Variants in SRC observed in about 807,000 individuals in gnomAD.
SRC encodes the protein SRC proto-oncogene, non-receptor tyrosine kinase.
A neutral mutation model predicts 62.9 loss-of-function variants in SRC; 13 were observed. The observed-to-expected ratio is 0.21, with a 90% confidence interval of 0.13 to 0.33. The LOEUF is 0.33. Among genes scored for constraint, SRC ranks in the 10% least tolerant of loss-of-function variants. The pLI is 1.00. For synonymous variants in SRC, 302 were observed against 317.5 expected (o/e 0.95, Z 0.52); for missense variants, 457 against 737.3 (o/e 0.62, Z 4.40).
Position 37,402,670 on chromosome 20 carries a change from G to C in SRC, c.1271-79G>C. ...CTGAGCCCCAGTTTTTTCCTCAGCT[G>C]TCATTCCTCATGGTGCTTATCTAGC... On this transcript the variant is annotated intron_variant, in intron 12 of 13. Transcript: ENST00000373578. This position sits in a 1 kb window ranked among gnomAD's most constrained non-coding sequence, Gnocchi z 6.2. 1.9e-6 allele frequency: 3 copies of C among 1,571,304 alleles called. No individual in the cohort carries two copies. The highest frequency in any genetic ancestry group is 2.6e-6 in the Non-Finnish European group (3 of 1,156,014).
In SRC at chr20:37,397,792, C is replaced by T. The variant is rs764665699; in HGVS notation, c.797C>T (p.Pro266Leu). The T allele has an allele frequency of 1.2e-6, 2 of 1,612,566 alleles. No individual in the cohort carries two copies. Among genetic ancestry groups the T allele is most frequent in the South Asian group, 2.2e-5 (2 of 90,924 alleles). Residue 266 changes from proline (P) to leucine (L), a missense_variant, in exon 9 of 14, where the codon CCT (proline) becomes CTT (leucine). Pro to Leu is a moderately conservative substitution (Grantham distance 98). Around this residue, in one of 4 missense-constraint regions of SRC, gnomAD observed 141 missense variants for 198.4 expected, o/e 0.71. Coordinates refer to ENST00000373578, the MANE Select transcript of SRC (RefSeq NM_198291.3). This position sits in a 1 kb window ranked among gnomAD's most constrained non-coding sequence, Gnocchi z 4.1. The stretch of plus-strand genomic sequence containing the variant: ...CTGGCCAAGGATGCCTGGGAGATCC[C>T]TCGGGAGTCGCTGCGGCTGGAGGTC... ...QGLAKDAWEIPRESLRLEVKL... is the reference protein window; with the variant it reads ...QGLAKDAWEILRESLRLEVKL...
At chr20:37,372,971 C>T (rs952220459) in intron 2 of SRC, among the ~76,000 whole-genome samples, 5 of 151,968 alleles carry the variant, frequency 3.3e-5, no homozygotes, top group Admixed American at 6.6e-5. Flanking sequence ...GGAATGCTTT[C>T]CCCATTCAGA....
At chr20:37,369,689 A>G (rs1231019790) in intron 2 of SRC, among the ~76,000 whole-genome samples, 1 of 152,036 alleles carries the variant, frequency 6.6e-6, no homozygotes, top group African/African-American at 2.4e-5. Flanking sequence ...AGAAGTGGTG[A>G]GGGTAGATAT....
chr20:37,373,244 A>G (rs538171677), intron 2 of SRC, among the ~76,000 whole-genome samples: 17 of 88,810 alleles, frequency 1.9e-4, no homozygotes, highest in African/African-American at 1.4e-3. Flanking sequence ...GCACATATGT[A>G]CACACGCACA....
intron 2 of SRC, among the ~76,000 whole-genome samples, chr20:37,366,099 T>C (rs2070058797): frequency 6.6e-6 from 1 of 152,236 alleles, no homozygotes; most frequent in Non-Finnish European, 1.5e-5. Context: ...TTTTGCTTGT[T>C]CTAGACAATT....
At chr20:37,360,732 G>A (rs1244764626) in intron 1 of SRC, among the ~76,000 whole-genome samples, 1 of 152,188 alleles carries the variant, frequency 6.6e-6, no homozygotes, top group African/African-American at 2.4e-5. Flanking sequence ...AAGAATAGCT[G>A]CTCCTACTCT....
chr20:37,373,768 C>T (rs894280067), intron 2 of SRC, among the ~76,000 whole-genome samples: 3 of 152,216 alleles, frequency 2.0e-5, no homozygotes, highest in South Asian at 4.1e-4. Flanking sequence ...ACCTTTTTCT[C>T]ACTGGTATAA....
At chr20:37,382,817 T>C (rs1178151239) in intron 3 of SRC, 31 bp downstream of exon 3, 1 of 152,050 alleles carries the variant, frequency 6.6e-6, no homozygotes, top group Non-Finnish European at 1.5e-5. Flanking sequence ...GGGCTCAAGA[T>C]GGGTGGGGAG....
At chr20:37,376,192 C>T (rs1418805567) in intron 2 of SRC, among the ~76,000 whole-genome samples, 11 of 152,200 alleles carry the variant, frequency 7.2e-5, no homozygotes, top group Admixed American at 6.5e-5. Flanking sequence ...CAGACAACAC[C>T]CCTCAGGACC....
At chr20:37,390,772 G>A (rs866511144) in intron 5 of SRC, among the ~76,000 whole-genome samples, 4 of 152,226 alleles carry the variant, frequency 2.6e-5, no homozygotes, top group Middle Eastern at 3.4e-3. Context: ...TGAGACTGGC[G>A]AGTGTGGTAT....
chr20:37,385,967 A>C (rs1013830296), intron 4 of SRC, 108 bp from the exon 5 acceptor site: 3 of 826,616 alleles, frequency 3.6e-6, no homozygotes, highest in Non-Finnish European at 6.1e-6. Flanking sequence ...TGGGCTGAGC[A>C]CTTGCGTGTG....
rs904212187 is a variant in SRC, at chr20:37,396,563, G to A, written c.703+252G>A. 2.2e-5 allele frequency: 12 copies of A among 556,242 alleles called. No individual in the cohort carries two copies. The highest frequency in any genetic ancestry group is 1.1e-4 in the South Asian group (5 of 46,228). 34.5% of individuals were successfully genotyped at this position (556,242 alleles called of 1,614,324 possible). A position where few individuals can be genotyped will look rare whatever the true frequency, so the allele number is the denominator to read the frequency against. On this transcript the variant is annotated intron_variant, in intron 8 of 13. Coordinates refer to ENST00000373578, the MANE Select transcript of SRC (RefSeq NM_198291.3). The surrounding 1 kb of genome is among the most constrained non-coding windows in gnomAD (Gnocchi z 6.1). ...TGCTCCACGCAGTGTCCCACTGCCCGCCTTTCTCTGCAGCTGGCTGGTATG... is the reference window on the plus strand; with the variant it reads ...TGCTCCACGCAGTGTCCCACTGCCCACCTTTCTCTGCAGCTGGCTGGTATG...
chr20:37,395,553 C>T (rs2070631156), intron 7 of SRC, among the ~76,000 whole-genome samples: 2 of 152,252 alleles, frequency 1.3e-5, no homozygotes, highest in South Asian at 4.1e-4. Flanking sequence ...CCGTTTGACC[C>T]AGGCAGCCTT....
chr20:37,380,120 G>C (rs1427284806), intron 2 of SRC, among the ~76,000 whole-genome samples: 1 of 152,110 alleles, frequency 6.6e-6, no homozygotes, highest in African/African-American at 2.4e-5. Context: ...GAAAGTGGGG[G>C]CCACAGTGCT....
intron 1 of SRC, among the ~76,000 whole-genome samples, chr20:37,361,136 AG>A (rs367910796): frequency 4.4e-4 from 66 of 150,860 alleles, no homozygotes; most frequent in African/African-American, 6.1e-4. Flanking sequence ...GGTGGAGCTT[AG>A]GGGGGGAAGA....
At chr20:37,389,326 T>G (rs1322739952) in intron 5 of SRC, among the ~76,000 whole-genome samples, 2 of 152,090 alleles carry the variant, frequency 1.3e-5, no homozygotes, top group Non-Finnish European at 2.9e-5. Flanking sequence ...TCCAGGAGCT[T>G]CTTTTGGGAG....
chr20:37,369,922 C>A (rs1350785290), intron 2 of SRC, among the ~76,000 whole-genome samples: 1 of 152,096 alleles, frequency 6.6e-6, no homozygotes, highest in Non-Finnish European at 1.5e-5. Flanking sequence ...GCCTCGGCCT[C>A]CTGAGTAGCT....
At chr20:37,358,836 GGCCT>G (rs1237019114) in intron 1 of SRC, among the ~76,000 whole-genome samples, 1 of 152,226 alleles carries the variant, frequency 6.6e-6, no homozygotes, top group African/African-American at 2.4e-5. Context: ...TGTCCGCCCC[GGCCT>G]GCCGTCTCCA....
In SRC at chr20:37,396,621, C is replaced by T; in HGVS notation, c.703+310C>T. ...CTGCCCTGAGGAGCCCCAGAGTAAG[C>T]TGGAAGGGAGGGGACAGAGGCTGGT... is the stretch of plus-strand genomic sequence containing the variant. On this transcript the variant is annotated intron_variant, in intron 8 of 13. Coordinates refer to ENST00000373578, the MANE Select transcript of SRC (RefSeq NM_198291.3). This position sits in a 1 kb window ranked among gnomAD's most constrained non-coding sequence, Gnocchi z 6.1. 2 of 426,248 alleles carry T rather than the reference C, an allele frequency of 4.7e-6. No individual in the cohort carries two copies. The highest frequency in any genetic ancestry group is 6.0e-5 in the South Asian group (2 of 33,474). 26.4% of individuals were successfully genotyped at this position (426,248 alleles called of 1,614,324 possible).
Sources: gnomAD v4.1 joint callset for allele counts (sites outside exome capture counted in the v4.1 genomes callset) on GRCh38, gnomAD v4.1.1 for gene constraint, gnomAD v4.1.1 regional missense constraint, Gnocchi (gnomAD v3.1) non-coding constraint, MANE v1.5 for transcripts, NCBI Gene and HGNC (gene_info 2026-07-23, HGNC 2026-07-21) for gene names.